SCHIP1: variants seen among roughly 807,000 people sequenced by gnomAD.
The protein encoded by SCHIP1 is schwannomin interacting protein 1.
SCHIP1 carries 8 observed loss-of-function variants against 29.7 expected under a neutral mutation model. The observed-to-expected ratio is 0.27, with a 90% confidence interval of 0.16 to 0.49. The LOEUF (loss-of-function observed/expected upper bound fraction) is 0.49, where lower values mean the gene tolerates loss of function less well. SCHIP1 is among the 20% of genes least tolerant of loss of function. The pLI, the probability that SCHIP1 is intolerant of heterozygous loss-of-function variation, is 0.99. For synonymous variants in SCHIP1, 76 were observed against 94.9 expected (o/e 0.80, Z 1.16); for missense variants, 193 against 294.6 (o/e 0.66, Z 2.52).
chr3:159,695,070 G>A, the SCHIP1 span, among the ~76,000 whole-genome samples: 1 of 152,162 alleles, frequency 6.6e-6, no homozygotes, highest in Non-Finnish European at 1.5e-5. Context: ...ATCATCGTCT[G>A]TATATTTGGT....
At chr3:159,592,016 A>AAAG in the SCHIP1 span, among the ~76,000 whole-genome samples, 4 of 151,490 alleles carry the variant, frequency 2.6e-5, no homozygotes, top group African/African-American at 9.7e-5. Flanking sequence ...AGAAAGAAAG[A>AAAG]AATTGAGTGT....
At chr3:159,492,575 A>T in the SCHIP1 span, among the ~76,000 whole-genome samples, 1,009 of 152,272 alleles carry the variant, frequency 6.6e-3, 11 homozygotes, top group Middle Eastern at 0.014. Flanking sequence ...GAAATGAACA[A>T]AGCCTCCAAG....
the SCHIP1 span, among the ~76,000 whole-genome samples, chr3:159,750,901 A>C: frequency 1.3e-5 from 2 of 149,370 alleles, no homozygotes; most frequent in Admixed American, 6.7e-5. Context: ...TTCCAAACAA[A>C]CAAAAAAAAA....
chr3:159,366,541 TTAA>T, the SCHIP1 span, among the ~76,000 whole-genome samples: 35,187 of 151,984 alleles, frequency 0.23, 4,405 homozygotes, highest in African/African-American at 0.32. Context: ...TAAAAATTAG[TTAA>T]TAATATCCAC....
At chr3:159,497,461 C>G in the SCHIP1 span, among the ~76,000 whole-genome samples, 2 of 151,948 alleles carry the variant, frequency 1.3e-5, no homozygotes, top group Non-Finnish European at 2.9e-5. Context: ...CTCACTTAAT[C>G]TTCAAAACCA....
At chr3:159,452,970 T>C in the SCHIP1 span, among the ~76,000 whole-genome samples, 1 of 152,342 alleles carries the variant, frequency 6.6e-6, no homozygotes, top group East Asian at 1.9e-4. Context: ...TGTCTTTGAC[T>C]TTGCAAACCA....
chr3:159,352,493 A>G, the SCHIP1 span, among the ~76,000 whole-genome samples: 1 of 152,240 alleles, frequency 6.6e-6, no homozygotes, highest in African/African-American at 2.4e-5. Context: ...ATATCACAAA[A>G]TCAAACCAGG....
the SCHIP1 span, among the ~76,000 whole-genome samples, chr3:159,460,722 A>T: frequency 6.6e-6 from 1 of 151,646 alleles, no homozygotes; most frequent in Non-Finnish European, 1.5e-5. Context: ...ACATCCCAAG[A>T]CCCCCTTAGT....
chr3:159,400,530 C>T, the SCHIP1 span, among the ~76,000 whole-genome samples: 4 of 152,164 alleles, frequency 2.6e-5, no homozygotes, highest in African/African-American at 4.8e-5. Context: ...TAGCTGGACT[C>T]AGTACACAGC....
At chr3:159,369,022 T>C in the SCHIP1 span, among the ~76,000 whole-genome samples, 1 of 152,212 alleles carries the variant, frequency 6.6e-6, no homozygotes, top group South Asian at 2.1e-4. Context: ...GGACAAGCAA[T>C]GTAAGAGAAG....
chr3:159,335,428 G>C, the SCHIP1 span, among the ~76,000 whole-genome samples: 1 of 151,954 alleles, frequency 6.6e-6, no homozygotes, highest in Non-Finnish European at 1.5e-5. Flanking sequence ...TGCCATGTTG[G>C]TGTGCTGCAC....
exon 1 of SCHIP1, chr3:159,839,925 C>T (rs766619866): frequency 2.6e-5 from 37 of 1,404,210 alleles, no homozygotes; most frequent in Middle Eastern, 5.2e-4. Flanking sequence ...TCCCCCAGCC[C>T]GGTCCCAGCT....
chr3:159,633,151 AGG>A, the SCHIP1 span, among the ~76,000 whole-genome samples: 1 of 152,196 alleles, frequency 6.6e-6, no homozygotes, highest in Non-Finnish European at 1.5e-5. Context: ...AATTGAACTA[AGG>A]GTTGGGACAC....
chr3:159,855,136 G>A (rs941974594), intron 1 of SCHIP1, among the ~76,000 whole-genome samples: 1 of 152,208 alleles, frequency 6.6e-6, no homozygotes, highest in Non-Finnish European at 1.5e-5. Flanking sequence ...AGTTCATTAT[G>A]TTCCGGATCT....
At chr3:159,549,528 T>TCA in the SCHIP1 span, among the ~76,000 whole-genome samples, 819 of 152,168 alleles carry the variant, frequency 5.4e-3, 5 homozygotes, top group African/African-American at 0.018. Flanking sequence ...TGCTCTTCCC[T>TCA]CACACACGCA....
chr3:159,848,844 T>C (rs1379593842), intron 1 of SCHIP1, among the ~76,000 whole-genome samples: 4 of 152,112 alleles, frequency 2.6e-5, no homozygotes, highest in Admixed American at 2.0e-4. Flanking sequence ...CTCTCAGATA[T>C]TTTAAGCTGG....
chr3:159,535,235 A>G, the SCHIP1 span, among the ~76,000 whole-genome samples: 3 of 152,140 alleles, frequency 2.0e-5, no homozygotes, highest in South Asian at 2.1e-4. Flanking sequence ...ATGATATCCA[A>G]TGACTCTTGG....
intron 1 of SCHIP1, among the ~76,000 whole-genome samples, chr3:159,858,259 T>C (rs2109176502): frequency 6.6e-6 from 1 of 152,342 alleles, no homozygotes; most frequent in African/African-American, 2.4e-5. Flanking sequence ...CAGCTGTTTG[T>C]GTTTTGGATA....
the SCHIP1 span, among the ~76,000 whole-genome samples, chr3:159,694,498 G>A: frequency 1.6e-4 from 24 of 149,818 alleles, no homozygotes; most frequent in Non-Finnish European, 3.0e-4. Flanking sequence ...CAGCCTGGCC[G>A]ATAAGAGCAA....
Sources: gnomAD v4.1 joint callset for allele counts (sites outside exome capture counted in the v4.1 genomes callset) on GRCh38, gnomAD v4.1.1 for gene constraint, MANE v1.5 for transcripts, NCBI Gene and HGNC (gene_info 2026-07-23, HGNC 2026-07-21) for gene names.